CDYL: variants seen among roughly 807,000 people sequenced by gnomAD.
CDYL encodes the protein chromodomain Y like.
A neutral mutation model predicts 47.3 loss-of-function variants in CDYL; 8 were observed. That is an observed-to-expected ratio of 0.17 (90% confidence interval 0.10 to 0.31). CDYL has a LOEUF of 0.31. Ranked by LOEUF, CDYL falls within the 10% of genes least tolerant of loss-of-function variation. CDYL has a pLI of 1.00. For missense variants in CDYL, 471 were observed against 701.4 expected (o/e 0.67, Z 3.71); for synonymous variants, 266 against 265.0 (o/e 1.00, Z -0.04).
intron 1 of CDYL, among the ~76,000 whole-genome samples, chr6:4,821,316 C>T (rs529956816): frequency 1.7e-5 from 2 of 118,704 alleles, no homozygotes; most frequent in African/African-American, 6.5e-5. Context: ...CTCACTCTGT[C>T]GCCCAGGCTG....
intron 3 of CDYL, among the ~76,000 whole-genome samples, chr6:4,759,963 A>C (rs995732662): frequency 3.3e-5 from 5 of 150,132 alleles, no homozygotes; most frequent in African/African-American, 9.7e-5. Context: ...AGAAAAAAGA[A>C]AAACAAAAGA....
chr6:4,897,694 A>T (rs1255344111), intron 2 of CDYL, among the ~76,000 whole-genome samples: 1 of 152,092 alleles, frequency 6.6e-6, no homozygotes, highest in Non-Finnish European at 1.5e-5. Context: ...AAGCTGGAGG[A>T]TAGCTTGAGG....
intron 2 of CDYL, among the ~76,000 whole-genome samples, chr6:4,913,159 C>T (rs1757460700): frequency 6.6e-6 from 1 of 152,146 alleles, no homozygotes; most frequent in African/African-American, 2.4e-5. Context: ...TGGCAGAGAC[C>T]TTATTGTGTC....
intron 1 of CDYL, chr6:4,890,179 A>G (rs1306345583): frequency 4.1e-6 from 4 of 982,798 alleles, no homozygotes; most frequent in Non-Finnish European, 4.8e-6. Context: ...CCTACAAGAC[A>G]TAATCTCATT....
At chr6:4,730,596 C>A (rs1757586570) in intron 2 of CDYL, among the ~76,000 whole-genome samples, 1 of 150,406 alleles carries the variant, frequency 6.6e-6, no homozygotes, top group Non-Finnish European at 1.5e-5. Context: ...ATCGCTTGAA[C>A]CCAGGAGGCG....
chr6:4,829,058 G>A (rs1201826021), intron 1 of CDYL, among the ~76,000 whole-genome samples: 1 of 152,112 alleles, frequency 6.6e-6, no homozygotes, highest in African/African-American at 2.4e-5. Flanking sequence ...AAGACAGTCT[G>A]CCTGGGTTTC....
At chr6:4,828,679 G>A (rs909512644) in intron 1 of CDYL, among the ~76,000 whole-genome samples, 4 of 152,060 alleles carry the variant, frequency 2.6e-5, no homozygotes, top group African/African-American at 9.7e-5. Flanking sequence ...AGGAAGCTTT[G>A]TCCATTATTT....
At chr6:4,913,349 C>T (rs1291048692) in intron 2 of CDYL, among the ~76,000 whole-genome samples, 1 of 152,166 alleles carries the variant, frequency 6.6e-6, no homozygotes, top group African/African-American at 2.4e-5. Flanking sequence ...AGCTTCTCTC[C>T]TCTCCACAGC....
At chr6:4,832,569 A>G (rs1032107944) in intron 1 of CDYL, among the ~76,000 whole-genome samples, 1 of 151,132 alleles carries the variant, frequency 6.6e-6, no homozygotes, top group African/African-American at 2.5e-5. Context: ...TGGCTTTGGT[A>G]TCAGAATGAT....
chr6:4,816,919 G>A (rs184372880), intron 1 of CDYL, among the ~76,000 whole-genome samples: 24 of 152,248 alleles, frequency 1.6e-4, no homozygotes, highest in African/African-American at 7.2e-5. Context: ...GATTTGAGGT[G>A]TACTGAGGTT....
At position 4,776,535 on chromosome 6, in the gene CDYL, CCGGCCCGCCGGGGAGTGAGCGCGGGG is replaced by C; in HGVS notation, c.-246_-221del. 6.4e-6 allele frequency: 1 copy of C among 156,592 alleles called. No individual in the cohort carries two copies. Among genetic ancestry groups the C allele is most frequent in the East Asian group, 1.7e-4 (1 of 5,926 alleles). The allele number at this position is 156,592 out of a possible 1,614,324, so 9.7% of individuals were successfully genotyped here. A position where few individuals can be genotyped will look rare whatever the true frequency, so the allele number is the denominator to read the frequency against. Reference sequence around the variant, plus strand: ...GGGGCGCGATGAGCCCGAGCGCGAGCCGGCCCGCCGGGGAGTGAGCGCGGGGCGCCCAGGGCGCGTTGCGTAGCTGC... The same window carrying C: ...GGGGCGCGATGAGCCCGAGCGCGAGCCGCCCAGGGCGCGTTGCGTAGCTGC... On this transcript the variant is annotated 5_prime_UTR_variant, in exon 1 of 7. The change abolishes the stop of an existing upstream ORF in the 5' untranslated region. Coordinates refer to ENST00000397588, the MANE Select transcript of CDYL (RefSeq NM_004824.4).
At chr6:4,937,508 C>CT (rs61406305) in intron 3 of CDYL, 57 bp from the exon 4 acceptor site, 897,846 of 1,394,446 alleles carry the variant, frequency 0.64, 294,620 homozygotes, top group East Asian at 0.74. Flanking sequence ...AAAAAAAATG[C>CT]TTTAAGATTT....
chr6:4,830,935 A>C (rs1375708036), intron 1 of CDYL, among the ~76,000 whole-genome samples: 1 of 152,080 alleles, frequency 6.6e-6, no homozygotes, highest in African/African-American at 2.4e-5. Context: ...ACCTGAGCTC[A>C]TCATTTTTTA....
At position 4,758,370 on chromosome 6, in the gene CDYL, A is replaced by C. The variant is rs201414324; in HGVS notation, c.186+23526A>C. Among the ~76,000 whole-genome samples, 28 of 137,808 alleles carry C rather than the reference A, an allele frequency of 2.0e-4. 1 individual carries two copies. In the South Asian group the frequency reaches 2.6e-3, roughly 13 times the overall value. 90.4% of individuals were successfully genotyped at this position (137,808 alleles called of 152,430 possible). On this transcript the variant is annotated intron_variant, in intron 3 of 8. Coordinates refer to the CDYL transcript ENST00000328908. The stretch of plus-strand genomic sequence containing the variant: ...TAAATAAATATATATATATATATAT[A>C]TCTCTTTGTGGCCAGCACGGTGGCT...
intron 1 of CDYL, among the ~76,000 whole-genome samples, chr6:4,866,750 A>G (rs1032521900): frequency 2.0e-5 from 3 of 152,096 alleles, no homozygotes; most frequent in Non-Finnish European, 4.4e-5. Context: ...AGTTTACCCA[A>G]ATTGACTAAA....
intron 2 of CDYL, among the ~76,000 whole-genome samples, chr6:4,731,380 C>G (rs1416885551): frequency 1.3e-5 from 2 of 152,134 alleles, no homozygotes; most frequent in Admixed American, 6.5e-5. Context: ...AGCCAGCATG[C>G]CTTTTAAAGG....
At chr6:4,916,974 C>A (rs1470158623) in intron 2 of CDYL, among the ~76,000 whole-genome samples, 1 of 152,086 alleles carries the variant, frequency 6.6e-6, no homozygotes, top group Non-Finnish European at 1.5e-5. Flanking sequence ...AGCTTTGATC[C>A]GTTTTGTTTT....
At chr6:4,740,957 T>C (rs58921767) in intron 3 of CDYL, among the ~76,000 whole-genome samples, 13,238 of 151,976 alleles carry the variant, frequency 0.087, 675 homozygotes, top group African/African-American at 0.13. Context: ...TGGCTAATTT[T>C]TGTATTTTTA....
At chr6:4,752,353 C>T (rs1758009459) in intron 3 of CDYL, among the ~76,000 whole-genome samples, 1 of 152,100 alleles carries the variant, frequency 6.6e-6, no homozygotes, top group Non-Finnish European at 1.5e-5. Context: ...CTCTTTAAAG[C>T]TGTAAGTCAT....
Sources: allele counts gnomAD v4.1 joint callset (sites outside exome capture counted in the v4.1 genomes callset), GRCh38; gene constraint gnomAD v4.1.1; transcripts MANE v1.5; gene names NCBI Gene and HGNC (gene_info 2026-07-23, HGNC 2026-07-21).